Variants in VRK2 observed in about 807,000 individuals in gnomAD.
VRK2 encodes VRK serine/threonine kinase 2.
Under a neutral mutation model 57.6 loss-of-function variants are expected in VRK2, and 60 were observed. That is an observed-to-expected ratio of 1.04 (90% confidence interval 0.85 to 1.29). The LOEUF (loss-of-function observed/expected upper bound fraction) is 1.29, where lower values mean the gene tolerates loss of function less well. VRK2 is among the 50% of genes most tolerant of loss of function. VRK2 has a pLI of 0.00. For missense variants in VRK2, 705 were observed against 588.1 expected, an observed-to-expected ratio of 1.20 and a Z score of -2.06; for synonymous variants, 231 against 199.2, an observed-to-expected ratio of 1.16 and a Z score of -1.35.
chr2:58,158,931 T>C (rs1684515942), intron 12 of VRK2, among the ~76,000 whole-genome samples: 1 of 152,122 alleles, frequency 6.6e-6, no homozygotes, highest in African/African-American at 2.4e-5. Context: ...TGGACACTTC[T>C]CAGTTGCCAT....
chr2:57,933,795 G>A (rs1670817505), intron 1 of VRK2, among the ~76,000 whole-genome samples: 1 of 152,062 alleles, frequency 6.6e-6, no homozygotes, highest in South Asian at 2.1e-4. Context: ...CTGTTTTGAA[G>A]ATTCTTTGTT....
chr2:57,937,271 T>A (rs1393098741), intron 1 of VRK2, among the ~76,000 whole-genome samples: 1 of 152,196 alleles, frequency 6.6e-6, no homozygotes, highest in East Asian at 1.9e-4. Context: ...GGGTCTTTAC[T>A]CTGGGGTTCA....
chr2:57,996,864 A>G (rs1672940008), intron 1 of VRK2, among the ~76,000 whole-genome samples: 1 of 152,082 alleles, frequency 6.6e-6, no homozygotes, highest in African/African-American at 2.4e-5. Context: ...TGTAAATGCT[A>G]TATAAATAGT....
chr2:58,149,040 G>T (rs995731472), intron 12 of VRK2, among the ~76,000 whole-genome samples: 1 of 151,702 alleles, frequency 6.6e-6, no homozygotes, highest in Non-Finnish European at 1.5e-5. Context: ...ATGCACAATG[G>T]GATATTGACT....
At chr2:57,990,537 A>G (rs759140082) in intron 1 of VRK2, among the ~76,000 whole-genome samples, 16 of 152,218 alleles carry the variant, frequency 1.1e-4, no homozygotes, top group Non-Finnish European at 1.8e-4. Flanking sequence ...TTTTATACTT[A>G]TCATCAAAAA....
At chr2:58,016,266 T>A (rs1440220478) in intron 1 of VRK2, among the ~76,000 whole-genome samples, 2 of 152,166 alleles carry the variant, frequency 1.3e-5, no homozygotes, top group Non-Finnish European at 2.9e-5. Flanking sequence ...GTTCAAAAAC[T>A]ATTAATTATT....
rs758687156 is a variant in VRK2 at position 58,159,681 on chromosome 2, A to AT, written c.1521dup (p.Leu508SerfsTer14). 35 of 1,612,282 alleles carry AT rather than the reference A, an allele frequency of 2.2e-5. No individual in the cohort carries two copies. The highest frequency in any genetic ancestry group is 2.0e-4 in the Admixed American group (12 of 59,748). Reference sequence around the variant, plus strand: ...TTTTGATGTTAGTATTTCTTGCTTTATTTTTTCTCTGAAGATGATACCAAA... The same window carrying AT: ...TTTTGATGTTAGTATTTCTTGCTTTATTTTTTTCTCTGAAGATGATACCAAA... On this transcript the variant is annotated frameshift_variant, in exon 13 of 13. Coordinates refer to ENST00000340157, the MANE Select transcript of VRK2 (RefSeq NM_006296.7). LOFTEE classifies it high-confidence loss of function.
intron 2 of VRK2, among the ~76,000 whole-genome samples, chr2:58,032,063 A>G (rs1674127430): frequency 6.6e-6 from 1 of 152,014 alleles, no homozygotes; most frequent in Non-Finnish European, 1.5e-5. Context: ...AACTCAATCA[A>G]ATCCAAATTA....
chr2:58,159,411 T>C lies in VRK2; in HGVS notation c.1245T>C (p.Ser415=). 4 of 1,613,478 alleles carry C rather than the reference T, an allele frequency of 2.5e-6. No homozygotes were observed. Among genetic ancestry groups the C allele is most frequent in the Non-Finnish European group, 3.4e-6 (4 of 1,179,682 alleles). ...AAGAACCTTTGAATGAAGTAAACAG[T>C]TTCCCACAAAAAATCAGCTATACAC... ...ESQEPLNEVN[S]FPQKISYTQF... The change falls in exon 13 of 13, where the codon AGT becomes AGC. Residue 415 remains serine (S), a synonymous_variant. Coordinates refer to ENST00000340157, the MANE Select transcript of VRK2 (RefSeq NM_006296.7).
chr2:58,096,824 A>C (rs79180331), intron 7 of VRK2, among the ~76,000 whole-genome samples: 1 of 151,358 alleles, frequency 6.6e-6, no homozygotes, highest in Non-Finnish European at 1.5e-5. Context: ...AAGGCTATGA[A>C]TTTTCCTCCC....
At chr2:57,961,352 T>G (rs947617135) in intron 1 of VRK2, among the ~76,000 whole-genome samples, 2 of 152,112 alleles carry the variant, frequency 1.3e-5, no homozygotes, top group Non-Finnish European at 2.9e-5. Flanking sequence ...ATGCTTGGCC[T>G]GACCACAGGA....
At chr2:58,121,283 C>A (rs951363227) in intron 7 of VRK2, among the ~76,000 whole-genome samples, 1 of 152,176 alleles carries the variant, frequency 6.6e-6, no homozygotes, top group African/African-American at 2.4e-5. Flanking sequence ...CTTGATAGCT[C>A]TTTTTTAAAA....
intron 2 of VRK2, among the ~76,000 whole-genome samples, chr2:58,076,939 T>C (rs552915908): frequency 7.7e-4 from 117 of 152,176 alleles, no homozygotes; most frequent in African/African-American, 2.7e-3. Context: ...TGATATATTA[T>C]AAAATAGCAC....
At chr2:57,985,493 G>A (rs531316933) in intron 1 of VRK2, among the ~76,000 whole-genome samples, 3 of 151,844 alleles carry the variant, frequency 2.0e-5, no homozygotes, top group African/African-American at 7.2e-5. Context: ...GACATTTTTT[G>A]GTTTCCTTAT....
intron 7 of VRK2, among the ~76,000 whole-genome samples, chr2:58,103,262 T>TTAAA (rs1674272688): frequency 2.0e-5 from 3 of 150,640 alleles, no homozygotes; most frequent in Admixed American, 6.6e-5. Context: ...AGACCAAAAA[T>TTAAA]TAAATAAATA....
At chr2:58,028,943 T>TATATATAAAAATACAAAAA (rs1674031072) in intron 2 of VRK2, among the ~76,000 whole-genome samples, 1 of 121,042 alleles carries the variant, frequency 8.3e-6, no homozygotes, top group East Asian at 2.3e-4. Context: ...TATATATATA[T>TATATATAAAAATACAAAAA]TTAGAAGAGA....
At chr2:57,961,298 T>C (rs979558924) in intron 1 of VRK2, among the ~76,000 whole-genome samples, 1 of 152,136 alleles carries the variant, frequency 6.6e-6, no homozygotes, top group East Asian at 1.9e-4. Flanking sequence ...GAGGAAGAGC[T>C]GTCCAGGCAG....
chr2:57,957,361 G>A (rs1355880446), intron 1 of VRK2, among the ~76,000 whole-genome samples: 1 of 151,926 alleles, frequency 6.6e-6, no homozygotes, highest in Non-Finnish European at 1.5e-5. Flanking sequence ...ACATTAGATT[G>A]TGTTTCCAGT....
Position 57,953,071 on chromosome 2 carries a change from C to A in VRK2, c.-439+45232C>A, listed in dbSNP as rs533321630. ...AGCCAAGCAGCTCAGAGTTGAGAAA[C>A]CTTAAAGACAAAAGGTGAGGAGGAG... On this transcript the variant is annotated intron_variant, in intron 1 of 15. Transcript: ENST00000417641. 1.3e-4 allele frequency among the ~76,000 whole-genome samples: 20 copies of A among 152,234 alleles called. No homozygotes were observed. The South Asian group carries it at 4.1e-3, about 32-fold the overall frequency.
Sources: allele counts gnomAD v4.1 joint callset (sites outside exome capture counted in the v4.1 genomes callset), GRCh38; gene constraint gnomAD v4.1.1; transcripts MANE v1.5; gene names NCBI Gene and HGNC (gene_info 2026-07-23, HGNC 2026-07-21).